Variants in PTPRD observed in about 807,000 individuals in gnomAD.
The protein encoded by PTPRD is protein tyrosine phosphatase receptor type D, also known as receptor-type tyrosine-protein phosphatase delta.
In PTPRD, 34 loss-of-function variants were observed where a neutral mutation model predicts 214.5. The ratio of observed to expected loss-of-function variants is 0.16; its 90% CI spans 0.12 to 0.21. The LOEUF (loss-of-function observed/expected upper bound fraction) is 0.21. Ranked by LOEUF, PTPRD falls within the 10% of genes least tolerant of loss-of-function variation. The pLI is 1.00. For synonymous variants in PTPRD, 1,128 were observed against 845.7 expected (o/e 1.33, Z -5.79); for missense variants, 2,545 against 2,398.7 (o/e 1.06, Z -1.27).
At chr9:8,607,624 C>A (rs1444185050) in intron 14 of PTPRD, among the ~76,000 whole-genome samples, 2 of 151,984 alleles carry the variant, frequency 1.3e-5, no homozygotes, top group African/African-American at 4.8e-5. Context: ...GCCTGGGAGA[C>A]TGAGCGAGAT....
Position 9,144,646 on chromosome 9 carries a change from C to A in PTPRD, c.-143+38658G>T, listed in dbSNP as rs551947970. Among the ~76,000 whole-genome samples, 55 of 151,934 alleles carry A rather than the reference C, an allele frequency of 3.6e-4. 1 individual carries two copies. The highest frequency in any genetic ancestry group is 1.3e-3 in the African/African-American group (54 of 41,428). On this transcript the variant is annotated intron_variant, in intron 10 of 45. Transcript: ENST00000381196. ...CACGCGCCTGTAATCCCAGCTACTC[C>A]GGAGGTTGAAGCACGAGAATCACTT...
intron 11 of PTPRD, among the ~76,000 whole-genome samples, chr9:8,791,067 T>C (rs974297691): frequency 6.6e-6 from 1 of 152,180 alleles, no homozygotes; most frequent in Admixed American, 6.5e-5. Flanking sequence ...TCAGGATTTT[T>C]AAGGCAACTG....
chr9:10,523,179 G>C (rs2052953634), intron 2 of PTPRD, among the ~76,000 whole-genome samples: 1 of 152,024 alleles, frequency 6.6e-6, no homozygotes, highest in Non-Finnish European at 1.5e-5. Flanking sequence ...ACATTAAAAT[G>C]TTTTAAGTAC....
chr9:8,897,256 C>T (rs2098625716), intron 11 of PTPRD, among the ~76,000 whole-genome samples: 1 of 152,080 alleles, frequency 6.6e-6, no homozygotes. Context: ...AAGGTACATG[C>T]AGACTGACTC....
At chr9:10,394,206 T>C (rs2154492688) in intron 2 of PTPRD, among the ~76,000 whole-genome samples, 1 of 143,708 alleles carries the variant, frequency 7.0e-6, no homozygotes, top group East Asian at 2.0e-4. Flanking sequence ...ATAAAGATAA[T>C]ATATAATATA....
intron 9 of PTPRD, among the ~76,000 whole-genome samples, chr9:9,312,934 T>G (rs1286999038): frequency 1.3e-5 from 2 of 152,214 alleles, no homozygotes; most frequent in African/African-American, 4.8e-5. Flanking sequence ...CATGTATTCC[T>G]TGATTTAATC....
chr9:10,473,854 T>C (rs1474849049), intron 2 of PTPRD, among the ~76,000 whole-genome samples: 10 of 152,010 alleles, frequency 6.6e-5, no homozygotes, highest in Non-Finnish European at 1.5e-4. Context: ...AGTGTCAAAT[T>C]AAAAGCTCCT....
At chr9:8,462,547 A>G (rs1691821588) in intron 32 of PTPRD, among the ~76,000 whole-genome samples, 1 of 151,970 alleles carries the variant, frequency 6.6e-6, no homozygotes. Context: ...CTTGCTTACG[A>G]CACACAACAC....
chr9:9,169,528 C>A (rs901663975), intron 10 of PTPRD, among the ~76,000 whole-genome samples: 3 of 152,048 alleles, frequency 2.0e-5, no homozygotes, highest in Admixed American at 6.6e-5. Context: ...GAGGTAGGCC[C>A]TGGCTATAAA....
chr9:8,919,886 A>ACATAGATGTACATGCATGTATCATG (rs1423098657), intron 11 of PTPRD, among the ~76,000 whole-genome samples: 1 of 135,334 alleles, frequency 7.4e-6, no homozygotes, highest in Non-Finnish European at 1.7e-5. Context: ...TATCATGCAT[A>ACATAGATGTACATGCATGTATCATG]CATAGATGTA....
At chr9:8,338,213 T>A (rs1191887265) in intron 43 of PTPRD, among the ~76,000 whole-genome samples, 1 of 152,074 alleles carries the variant, frequency 6.6e-6, no homozygotes, top group Non-Finnish European at 1.5e-5. Flanking sequence ...ACTGACCTGG[T>A]CTCCCTTAAG....
chr9:10,507,676 G>A (rs972456734), intron 2 of PTPRD, among the ~76,000 whole-genome samples: 18 of 152,014 alleles, frequency 1.2e-4, no homozygotes, highest in African/African-American at 3.6e-4. Context: ...TTTGACAAAC[G>A]TGACAAAAAC....
chr9:8,682,913 T>C (rs2097577695), intron 12 of PTPRD, among the ~76,000 whole-genome samples: 1 of 152,192 alleles, frequency 6.6e-6, no homozygotes, highest in Non-Finnish European at 1.5e-5. Flanking sequence ...GCTGTTGCTA[T>C]TTTGTTTTCA....
intron 17 of PTPRD, among the ~76,000 whole-genome samples, chr9:8,525,386 G>A (rs1301815181): frequency 6.6e-6 from 1 of 151,882 alleles, no homozygotes; most frequent in East Asian, 1.9e-4. Context: ...ATTAATTTTT[G>A]GTTTTGTTTT....
chr9:9,424,437 G>T (rs186954009), intron 8 of PTPRD, among the ~76,000 whole-genome samples: 30 of 152,308 alleles, frequency 2.0e-4, no homozygotes, highest in African/African-American at 7.0e-4. Flanking sequence ...ATAGCCCACG[G>T]CATTGTGTAG....
intron 11 of PTPRD, among the ~76,000 whole-genome samples, chr9:8,836,325 A>G (rs1195963987): frequency 6.6e-6 from 1 of 152,186 alleles, no homozygotes; most frequent in Non-Finnish European, 1.5e-5. Context: ...TCACAAAGAA[A>G]GAGAGCCCTT....
intron 3 of PTPRD, among the ~76,000 whole-genome samples, chr9:10,249,820 C>T (rs185629795): frequency 2.0e-3 from 309 of 151,968 alleles, no homozygotes; most frequent in African/African-American, 7.0e-3. Flanking sequence ...ATTTAGGTGA[C>T]GGCATCACAG....
intron 4 of PTPRD, among the ~76,000 whole-genome samples, chr9:9,954,029 G>A (rs1587068227): frequency 6.6e-6 from 1 of 152,166 alleles, no homozygotes; most frequent in East Asian, 1.9e-4. Flanking sequence ...GGTTGCGGTG[G>A]CTCATGCTGG....
At chr9:10,303,754 A>G (rs2095951229) in intron 3 of PTPRD, among the ~76,000 whole-genome samples, 1 of 152,166 alleles carries the variant, frequency 6.6e-6, no homozygotes, top group African/African-American at 2.4e-5. Context: ...AAAGTTCTGA[A>G]ATTGAGGCAG....
Sources: gnomAD v4.1 joint callset for allele counts (sites outside exome capture counted in the v4.1 genomes callset) on GRCh38, gnomAD v4.1.1 for gene constraint, MANE v1.5 for transcripts, NCBI Gene and HGNC (gene_info 2026-07-23, HGNC 2026-07-21) for gene names.